ORC4: variants seen among roughly 807,000 people sequenced by gnomAD.
ORC4 encodes origin recognition complex subunit 4, also known as origin recognition complex, subunit 4 homolog.
In ORC4, 55 loss-of-function variants were observed where a neutral mutation model predicts 63.9. That is an observed-to-expected ratio of 0.86 (90% CI 0.69 to 1.08). The LOEUF (loss-of-function observed/expected upper bound fraction) is 1.08. Among genes scored for constraint, ORC4 ranks in the 50% least tolerant of loss-of-function variants. The probability of loss-of-function intolerance (pLI) is 0.00; values close to 1 mark genes in which losing one functional copy is unlikely to be tolerated. For synonymous variants in ORC4, 150 were observed against 168.5 expected (o/e 0.89, Z 0.85); for missense variants, 511 against 504.4 (o/e 1.01, Z -0.13).
chr2:148,007,545 A>G (rs1362818908), intron 1 of ORC4, among the ~76,000 whole-genome samples: 1 of 152,196 alleles, frequency 6.6e-6, no homozygotes, highest in Non-Finnish European at 1.5e-5. Context: ...ATAATAAAAC[A>G]ATAATGAAGT....
At chr2:147,938,480 A>G in intron 11 of ORC4, 87 bp from the exon 12 acceptor site, 1 of 826,460 alleles carries the variant, frequency 1.2e-6, no homozygotes, top group Non-Finnish European at 2.1e-6. Flanking sequence ...ATAGTGAAAG[A>G]TCTATGGTTC....
At chr2:147,987,393 C>T (rs191115214) in intron 1 of ORC4, among the ~76,000 whole-genome samples, 9,548 of 54,438 alleles carry the variant, frequency 0.18, 972 homozygotes, top group African/African-American at 0.4. Flanking sequence ...TATATATATA[C>T]ACACACACAC....
chr2:147,943,471 T>A lies in ORC4; in HGVS notation c.814A>T (p.Ile272Phe). Residue 272 changes from isoleucine (I) to phenylalanine (F), a missense_variant, in exon 10 of 14, where the codon ATC becomes TTC. Physicochemically the swap from Ile to Phe is conservative, Grantham distance 21 (BLOSUM62 0). Transcript: ENST00000392857. ...VQEVLQKHFN[I>F]SKNLRSLHML... ...TGTAATGACCGCAGGTTTTTGCTGA[T>A]ATTGAAATGCTTCTGTAGTACTTCT... The A allele has an allele frequency of 6.2e-7, 1 of 1,607,030 alleles. No homozygotes were observed. The highest frequency in any genetic ancestry group is 8.5e-7 in the Non-Finnish European group (1 of 1,174,524).
chr2:147,948,422 A>T (rs1242728282), intron 8 of ORC4, among the ~76,000 whole-genome samples, 198 bp from the exon 9 acceptor site: 1 of 152,094 alleles, frequency 6.6e-6, no homozygotes, highest in Non-Finnish European at 1.5e-5. Context: ...TGGTGATGTC[A>T]TGCCTTTTTC....
chr2:147,987,366 A>AAG (rs1553458386), intron 1 of ORC4, among the ~76,000 whole-genome samples: 4 of 116,386 alleles, frequency 3.4e-5, no homozygotes, highest in Non-Finnish European at 5.3e-5. Flanking sequence ...AGATATATAT[A>AAG]TGTGTGTGTG....
rs769033885 is a variant in ORC4 at position 147,938,305 on chromosome 2, G to A, written c.1047C>T (p.Val349=). ...ACTTAAGTCTCATCTCACCATTATA[G>A]ACCATTTGAAAATTAAATGGCTCTT... ...YEEEPFNFQM[V]YNEFQKFVQR... The change falls in exon 12 of 14, where the codon GTC becomes GTT. Residue 349 remains valine (V), a synonymous_variant. Coordinates refer to ENST00000392857, the MANE Select transcript of ORC4 (RefSeq NM_181741.4). 1.4e-5 allele frequency: 23 copies of A among 1,599,810 alleles called. No individual in the cohort carries two copies. The South Asian group carries it at 2.4e-4, about 17-fold the overall frequency.
intron 9 of ORC4, among the ~76,000 whole-genome samples, chr2:147,945,275 C>T (rs1448627402): frequency 6.6e-6 from 1 of 152,020 alleles, no homozygotes; most frequent in Non-Finnish European, 1.5e-5. Flanking sequence ...TTCTATACTC[C>T]ACCTTCCTAC....
chr2:147,947,063 C>T (rs988067968), intron 9 of ORC4, among the ~76,000 whole-genome samples: 3 of 151,886 alleles, frequency 2.0e-5, no homozygotes, highest in Non-Finnish European at 2.9e-5. Flanking sequence ...AAATGCAAAA[C>T]GCTTCCAATT....
intron 10 of ORC4, among the ~76,000 whole-genome samples, chr2:147,942,941 C>T (rs936336237): frequency 6.6e-6 from 1 of 152,012 alleles, no homozygotes; most frequent in Non-Finnish European, 1.5e-5. Flanking sequence ...TATAATCAAT[C>T]ACATATTCTA....
chr2:148,019,834 T>C (rs530829357), intron 1 of ORC4, among the ~76,000 whole-genome samples: 1 of 152,214 alleles, frequency 6.6e-6, no homozygotes, highest in Non-Finnish European at 1.5e-5. Flanking sequence ...TTCTTAAATA[T>C]TTTGAGTTAA....
At chr2:147,945,237 CTT>C (rs1688594363) in intron 9 of ORC4, among the ~76,000 whole-genome samples, 1 of 152,074 alleles carries the variant, frequency 6.6e-6, no homozygotes, top group Non-Finnish European at 1.5e-5. Context: ...ATTTGCCTCT[CTT>C]TGACATGATG....
rs563105707 is a variant in ORC4, at chr2:147,978,978, T to C, written c.-17-3003A>G. 4.6e-5 allele frequency among the ~76,000 whole-genome samples: 7 copies of C among 152,256 alleles called. No individual in the cohort carries two copies. In the South Asian group the frequency reaches 1.2e-3, roughly 27 times the overall value. ...ATATACTTCAACACAATAAAGGCCA[T>C]ATATAACAAACTCACAGCTAACATC... On this transcript the variant is annotated intron_variant, in intron 1 of 13. Coordinates refer to ENST00000392857, the MANE Select transcript of ORC4 (RefSeq NM_181741.4).
At chr2:148,021,515 T>C (rs1026270950), upstream of ORC4, 5 of 573,494 alleles carry the variant, frequency 8.7e-6, no homozygotes, top group African/African-American at 7.6e-5. Context: ...CTGCTGCTAC[T>C]GCTGCTGCTT....
At chr2:147,972,489 C>A (rs1690273924) in intron 4 of ORC4, among the ~76,000 whole-genome samples, 1 of 152,020 alleles carries the variant, frequency 6.6e-6, no homozygotes, top group Admixed American at 6.6e-5. Flanking sequence ...CATCAATTGA[C>A]AATTTTTCAC....
intron 4 of ORC4, among the ~76,000 whole-genome samples, chr2:147,968,121 T>C (rs1690002955): frequency 6.6e-6 from 1 of 152,062 alleles, no homozygotes; most frequent in Non-Finnish European, 1.5e-5. Context: ...TTCCCATCTC[T>C]CATCCTGTAC....
At chr2:148,021,462 G>C (rs1558888959), upstream of ORC4, 1 of 577,578 alleles carries the variant, frequency 1.7e-6, no homozygotes. Context: ...TGCTGCTGCT[G>C]TTGCTGCTGC....
intron 8 of ORC4, among the ~76,000 whole-genome samples, chr2:147,948,682 T>A (rs531281446): frequency 6.6e-6 from 1 of 151,752 alleles, no homozygotes; most frequent in Admixed American, 6.6e-5. Context: ...TTTTTTTTTT[T>A]ATAGTAATGC....
At position 147,930,878 on chromosome 2, in the gene ORC4, T is replaced by TAATA; in HGVS notation, c.*4631_*4632insTATT. Reference sequence around the variant, plus strand: ...TATGTTTTTTTTTTTTTTTATACTTTAAGTTTTAGGGTACATGTGCACATT... The same window carrying TAATA: ...TATGTTTTTTTTTTTTTTTATACTTTAATAAAGTTTTAGGGTACATGTGCACATT... On this transcript the variant is annotated 3_prime_UTR_variant, in exon 14 of 14. Coordinates refer to ENST00000392857, the MANE Select transcript of ORC4 (RefSeq NM_181741.4). The TAATA allele has an allele frequency of 6.6e-6, 1 of 151,658 alleles. No homozygotes were observed. The highest frequency in any genetic ancestry group is 2.0e-4 in the East Asian group (1 of 5,124). 9.4% of individuals were successfully genotyped at this position (151,658 alleles called of 1,614,324 possible).
intron 1 of ORC4, among the ~76,000 whole-genome samples, chr2:147,978,600 G>A (rs920238883): frequency 6.6e-6 from 1 of 152,200 alleles, no homozygotes; most frequent in African/African-American, 2.4e-5. Context: ...TTGGGACTGA[G>A]GACAGTGGAC....
Sources: allele counts gnomAD v4.1 joint callset (sites outside exome capture counted in the v4.1 genomes callset), GRCh38; gene constraint gnomAD v4.1.1; transcripts MANE v1.5; gene names NCBI Gene and HGNC (gene_info 2026-07-23, HGNC 2026-07-21).